The following DSP variants were observed in gnomAD, a reference collection of about 807,000 sequenced individuals.
DSP encodes the protein desmoplakin.
DSP carries 114 observed loss-of-function variants against 290.6 expected under a neutral mutation model. The observed-to-expected ratio is 0.39, with a 90% confidence interval of 0.34 to 0.46. DSP has a LOEUF of 0.46. DSP is among the 20% of genes least tolerant of loss of function. DSP has a pLI of 0.99. For missense variants in DSP, 3,230 were observed against 3,495.8 expected (o/e 0.92, Z 1.92); for synonymous variants, 1,311 against 1,316.4 (o/e 1.00, Z 0.09).
In DSP at chr6:7,568,390, A is replaced by T. The variant is rs932688055; in HGVS notation, c.1267-47A>T. ...ATGCAGGTTGAAAATCTCCTCTAAA[A>T]CTCACAGGGTATCTATGTTTAAGTA... On this transcript the variant is annotated intron_variant, in intron 10 of 23. Coordinates refer to ENST00000379802, the MANE Select transcript of DSP (RefSeq NM_004415.4). 3 of 1,606,246 alleles carry T rather than the reference A, an allele frequency of 1.9e-6. No homozygotes were observed. The African/African-American group carries it at 4.0e-5, about 21-fold the overall frequency.
intron 4 of DSP, 85 bp downstream of exon 4, chr6:7,559,485 G>A: frequency 6.4e-7 from 1 of 1,561,108 alleles, no homozygotes; most frequent in Non-Finnish European, 8.8e-7. Flanking sequence ...GTGTGACAAA[G>A]AGTCTTCTAG....
chr6:7,555,627 G>T, intron 1 of DSP, 91 bp from the exon 2 acceptor site: 3 of 1,107,994 alleles, frequency 2.7e-6, no homozygotes, highest in East Asian at 2.5e-5. Context: ...GAGTGGTTTT[G>T]TCCCGTTTTT....
chr6:7,550,576 A>G (rs768712387), intron 1 of DSP, among the ~76,000 whole-genome samples: 1 of 152,156 alleles, frequency 6.6e-6, no homozygotes, highest in Non-Finnish European at 1.5e-5. Flanking sequence ...AGGGCTCTCT[A>G]TGCAAATATT....
At chr6:7,548,840 G>A (rs1368832206) in intron 1 of DSP, among the ~76,000 whole-genome samples, 1 of 152,122 alleles carries the variant, frequency 6.6e-6, no homozygotes, top group African/African-American at 2.4e-5. Context: ...CCCTCAGATG[G>A]GTCTTTTGTT....
intron 17 of DSP, 151 bp downstream of exon 17, chr6:7,574,946 ACT>A: frequency 9.4e-7 from 1 of 1,063,348 alleles, no homozygotes; most frequent in Non-Finnish European, 1.4e-6. Flanking sequence ...CATCTCTGTA[ACT>A]CTGTTTTCCA....
rs2113699558 is a variant in DSP, at chr6:7,583,368, A to G, written c.6106A>G (p.Arg2036Gly). Residue 2036 changes from arginine (R) to glycine (G), a missense_variant, in exon 24 of 24, where the codon AGA becomes GGA. Physicochemically the swap from Arg to Gly is moderately radical, Grantham distance 125. Transcript: ENST00000379802. This position sits in a 1 kb window ranked among gnomAD's most constrained non-coding sequence, Gnocchi z 4.0. ...KEKYSLVEAK[R>G]KKLISPESTV... Reference sequence around the variant, plus strand: ...AAAATACTCTTTGGTAGAGGCCAAGAGAAAGAAATTAATCAGCCCAGAATC... The same window carrying G: ...AAAATACTCTTTGGTAGAGGCCAAGGGAAAGAAATTAATCAGCCCAGAATC... The G allele has an allele frequency of 1.9e-6, 3 of 1,614,180 alleles. No individual in the cohort carries two copies. Among genetic ancestry groups the G allele is most frequent in the Non-Finnish European group, 2.5e-6 (3 of 1,180,036 alleles).
At position 7,566,398 on chromosome 6, in the gene DSP, G is replaced by C. The variant is rs143994626; in HGVS notation, c.961G>C (p.Val321Leu). ...AFSIRMSQLE[V>L]KEKELNKLKQ... ...ACAGATACGCATGAGTCAACTGGAAGTTAAAGAAAAAGAGCTCAATAAGCT... is the reference window on the plus strand; with the variant it reads ...ACAGATACGCATGAGTCAACTGGAACTTAAAGAAAAAGAGCTCAATAAGCT... The change falls in exon 8 of 24, where the codon GTT (valine) becomes CTT (leucine). Residue 321 changes from valine to leucine, a missense_variant. This residue lies in a region of DSP where 646 missense variants were observed against 684.3 expected (regional missense o/e 0.94). Coordinates refer to ENST00000379802, the MANE Select transcript of DSP (RefSeq NM_004415.4). The C allele has an allele frequency of 2.5e-5, 41 of 1,613,656 alleles. No individual in the cohort carries two copies. In the African/African-American group the frequency reaches 5.2e-4, roughly 20 times the overall value.
chr6:7,583,158 C>G lies in DSP; in HGVS notation c.5896C>G (p.Leu1966Val), dbSNP rs1554108700. The change falls in exon 24 of 24, where the codon CTG becomes GTG. Residue 1966 changes from leucine to valine, a missense_variant. By Grantham distance (32) the Leu-to-Val change is conservative (BLOSUM62 1). Around this residue, in one of 5 missense-constraint regions of DSP, gnomAD observed 1,714 missense variants for 1,844.5 expected, o/e 0.93. Coordinates refer to ENST00000379802, the MANE Select transcript of DSP (RefSeq NM_004415.4). This position sits in a 1 kb window ranked among gnomAD's most constrained non-coding sequence, Gnocchi z 4.0. ...ECEWTVDTSK[L>V]VFDGLRKKVT... is the part of the protein sequence containing the mutation. ...TGAGTGGACCGTTGACACCTCCAAG[C>G]TGGTGTTTGATGGGCTGAGGAAGAA... is the stretch of plus-strand genomic sequence containing the variant. 6.2e-6 allele frequency: 10 copies of G among 1,614,004 alleles called. No individual in the cohort carries two copies. The highest frequency in any genetic ancestry group is 8.5e-6 in the Non-Finnish European group (10 of 1,180,016).
rs762032049 is a variant in DSP at position 7,578,520 on chromosome 6, C to T, written c.3042C>T (p.Tyr1014=). The change falls in exon 22 of 24, where the codon TAC becomes TAT. Residue 1014 remains tyrosine (Y), a synonymous_variant. Transcript: ENST00000379802. The part of the protein sequence containing the change: ...IELLTRSGDY[Y]RFLSEMLKSL... ...TACTTACAAGATCTGGAGACTATTA[C>T]AGGTTCTTAAGTGAGATGCTGAAGA... The T allele has an allele frequency of 1.2e-5, 19 of 1,613,738 alleles. No individual in the cohort carries two copies. In the South Asian group the frequency reaches 2.0e-4, roughly 17 times the overall value.
chr6:7,576,589 G>T, intron 19 of DSP, 133 bp downstream of exon 19: 2 of 1,179,752 alleles, frequency 1.7e-6, no homozygotes, highest in Non-Finnish European at 2.5e-6. Context: ...TTTTGTGAAG[G>T]CTTAAAGAAT....
Position 7,570,098 on chromosome 6 carries a change from A to C in DSP, c.1575-339A>C, listed in dbSNP as rs77476160. On this transcript the variant is annotated intron_variant, in intron 12 of 23. Coordinates refer to ENST00000379802, the MANE Select transcript of DSP (RefSeq NM_004415.4). ...CACTGAATAGGGAGAGTAGTGTAGTAAGCTGCTGTGTGCTCATGACCAAGC... is the reference window on the plus strand; with the variant it reads ...CACTGAATAGGGAGAGTAGTGTAGTCAGCTGCTGTGTGCTCATGACCAAGC... Among the ~76,000 whole-genome samples, 37 of 152,262 alleles carry C rather than the reference A, an allele frequency of 2.4e-4. 1 individual carries two copies. In the East Asian group the frequency reaches 7.1e-3, roughly 29 times the overall value.
At position 7,584,095 on chromosome 6, in the gene DSP, T is replaced by G; in HGVS notation, c.6833T>G (p.Met2278Arg). 1 of 1,614,124 alleles carries G rather than the reference T, an allele frequency of 6.2e-7. No homozygotes were observed. The highest frequency in any genetic ancestry group is 8.5e-7 in the Non-Finnish European group (1 of 1,180,030). The change falls in exon 24 of 24, where the codon ATG (methionine) becomes AGG (arginine). Residue 2278 changes from methionine (M) to arginine (R), a missense_variant. By Grantham distance (91) the Met-to-Arg change is moderately conservative. Transcript: ENST00000379802. This position sits in a 1 kb window ranked among gnomAD's most constrained non-coding sequence, Gnocchi z 6.4. The stretch of plus-strand genomic sequence containing the variant: ...CAGAAGCTTGGCATTTATGAGGCCA[T>G]GAAAATTGGCTTAGTCCGACCTGGT... ...TKQKLGIYEA[M>R]KIGLVRPGTA...
intron 1 of DSP, among the ~76,000 whole-genome samples, chr6:7,550,275 A>G (rs1214546823): frequency 6.7e-6 from 1 of 149,620 alleles, no homozygotes; most frequent in Non-Finnish European, 1.5e-5. Context: ...GGCTGATCTT[A>G]AACTCCTGGG....
At position 7,584,720 on chromosome 6, in the gene DSP, C is replaced by T. The variant is rs1049252239; in HGVS notation, c.7458C>T (p.Gly2486=). Reference sequence around the variant, plus strand: ...CTGTTCAGGAGGCCTACAAGAAGGGCCTAATTGATTATGAAACCTTCAAAG... The same window carrying T: ...CTGTTCAGGAGGCCTACAAGAAGGGTCTAATTGATTATGAAACCTTCAAAG... ...EMSVQEAYKK[G]LIDYETFKEL... is the part of the protein sequence containing the mutation. Residue 2486 remains glycine (G), a synonymous_variant, in exon 24 of 24, where the codon GGC becomes GGT. Coordinates refer to ENST00000379802, the MANE Select transcript of DSP (RefSeq NM_004415.4). The surrounding 1 kb of genome is among the most constrained non-coding windows in gnomAD (Gnocchi z 6.4). 1.2e-6 allele frequency: 2 copies of T among 1,614,044 alleles called. No homozygotes were observed. Among genetic ancestry groups the T allele is most frequent in the Non-Finnish European group, 1.7e-6 (2 of 1,180,022 alleles).
Position 7,552,900 on chromosome 6 carries a change from T to C in DSP, c.171-2818T>C, listed in dbSNP as rs189371938. On this transcript the variant is annotated intron_variant, in intron 1 of 23. Coordinates refer to ENST00000379802, the MANE Select transcript of DSP (RefSeq NM_004415.4). The stretch of plus-strand genomic sequence containing the variant: ...GTGGTATAACTAATCAGTCTAGTTC[T>C]TGGGTAAAAAGAAGTTGGCAAGTTT... 6.6e-5 allele frequency among the ~76,000 whole-genome samples: 10 copies of C among 152,340 alleles called. 1 individual carries two copies. In the East Asian group the frequency reaches 1.5e-3, roughly 23 times the overall value.
intron 7 of DSP, 67 bp from the exon 8 acceptor site, chr6:7,566,310 T>C: frequency 7.8e-7 from 1 of 1,282,514 alleles, no homozygotes; most frequent in Admixed American, 1.7e-5. Context: ...TTTTAAAAAG[T>C]ACTGTGGGGG....
intron 4 of DSP, among the ~76,000 whole-genome samples, chr6:7,560,955 CT>C (rs3837025): frequency 0.25 from 36,106 of 144,702 alleles, 4,505 homozygotes; most frequent in Middle Eastern, 0.31. Context: ...ATGTCATTTT[CT>C]TTTTTTTTTT....
chr6:7,576,275 T>G lies in DSP; in HGVS notation c.2631-19T>G. 5.0e-6 allele frequency: 8 copies of G among 1,612,202 alleles called. No individual in the cohort carries two copies. Among genetic ancestry groups the G allele is most frequent in the Non-Finnish European group, 6.8e-6 (8 of 1,178,412 alleles). On this transcript the variant is annotated intron_variant, in intron 18 of 23. Transcript: ENST00000379802. ...GGAACTAATAAGATAATGATTTTAT[T>G]GTATCTATTTCCCCCCAGGTTATGG...
chr6:7,574,150 A>C lies in DSP; in HGVS notation c.2195A>C (p.Asn732Thr), dbSNP rs573017591. 6.2e-7 allele frequency: 1 copy of C among 1,614,124 alleles called. No homozygotes were observed. Among genetic ancestry groups the C allele is most frequent in the South Asian group, 1.1e-5 (1 of 91,082 alleles). The change falls in exon 16 of 24, where the codon AAC becomes ACC. Residue 732 changes from asparagine (N) to threonine (T), a missense_variant. Physicochemically the swap from Asn to Thr is moderately conservative, Grantham distance 65. This residue lies in a region of DSP where 1,714 missense variants were observed against 1,844.5 expected (regional missense o/e 0.93). Transcript: ENST00000379802. The stretch of plus-strand genomic sequence containing the variant: ...AACCAGCTTAAAGATATGCTTGCCA[A>C]CTTCAGAGGTTCTGAAAAGTACTGC... ...VLNQLKDMLA[N>T]FRGSEKYCYL...
Sources: allele counts gnomAD v4.1 joint callset (sites outside exome capture counted in the v4.1 genomes callset), GRCh38; gene constraint gnomAD v4.1.1; regional missense constraint gnomAD v4.1.1; non-coding constraint Gnocchi (gnomAD v3.1); transcripts MANE v1.5; gene names NCBI Gene and HGNC (gene_info 2026-07-23, HGNC 2026-07-21).